Variants in RGS6 observed in about 807,000 individuals in gnomAD.
RGS6 encodes the protein regulator of G protein signaling 6.
A neutral mutation model predicts 78.5 loss-of-function variants in RGS6; 30 were observed. The observed-to-expected ratio is 0.38, with a 90% CI of 0.29 to 0.52. RGS6 has a LOEUF of 0.52. Ranked by LOEUF, RGS6 falls within the 20% of genes least tolerant of loss-of-function variation. The pLI, the probability that RGS6 is intolerant of heterozygous loss-of-function variation, is 0.85. For missense variants in RGS6, 495 were observed against 609.7 expected (o/e 0.81, Z 1.98); for synonymous variants, 206 against 206.0 (o/e 1.00, Z 0.00).
At chr14:72,084,649 A>T (rs1290688861) in intron 2 of RGS6, among the ~76,000 whole-genome samples, 3 of 152,236 alleles carry the variant, frequency 2.0e-5, no homozygotes, top group East Asian at 1.9e-4. Context: ...GCATTTGCTC[A>T]TGCTTTTATT....
chr14:72,060,902 C>T (rs1455197064), intron 2 of RGS6, among the ~76,000 whole-genome samples: 3 of 152,034 alleles, frequency 2.0e-5, no homozygotes, highest in South Asian at 2.1e-4. Context: ...CATTGGTTGC[C>T]ATCTATGTGT....
At chr14:72,042,123 CTTTTTCTTTTTT>C (rs2153381561) in intron 2 of RGS6, among the ~76,000 whole-genome samples, 3 of 124,332 alleles carry the variant, frequency 2.4e-5, no homozygotes, top group African/African-American at 8.4e-5. Flanking sequence ...TTTTCTTTTT[CTTTTTCTTTTTT>C]TTTTTTTTTT....
intron 2 of RGS6, among the ~76,000 whole-genome samples, chr14:72,249,735 A>G (rs1202991952): frequency 6.6e-6 from 1 of 152,136 alleles, no homozygotes; most frequent in Non-Finnish European, 1.5e-5. Context: ...TCAAGTGAGG[A>G]GTAAGAGGGG....
chr14:72,546,153 G>A (rs926679284), intron 17 of RGS6, among the ~76,000 whole-genome samples: 13 of 152,220 alleles, frequency 8.5e-5, no homozygotes, highest in Admixed American at 7.9e-4. Context: ...ATAAGAGTAT[G>A]AGAGACAGTG....
At chr14:72,263,383 C>T (rs910518674) in intron 2 of RGS6, among the ~76,000 whole-genome samples, 12 of 152,098 alleles carry the variant, frequency 7.9e-5, no homozygotes, top group African/African-American at 2.7e-4. Context: ...GCCTTGTCAC[C>T]ACCTGGAGAT....
At position 72,485,127 on chromosome 14, in the gene RGS6, A is replaced by G. The variant is rs186879723; in HGVS notation, c.854+6798A>G. On this transcript the variant is annotated intron_variant, in intron 12 of 17. Coordinates refer to ENST00000553525, the MANE Select transcript of RGS6 (RefSeq NM_001204424.2). ...TTTGTCATTTGAAAATAACAAAAGC[A>G]TATACCAATCAGGAGTCAGGGATAA... Among the ~76,000 whole-genome samples the G allele has an allele frequency of 4.1e-3, 630 of 152,292 alleles. 4 individuals carry two copies. Among genetic ancestry groups the G allele is most frequent in the African/African-American group, 0.014 (594 of 41,562 alleles).
the RGS6 span, among the ~76,000 whole-genome samples, chr14:71,901,582 A>G: frequency 3.9e-5 from 6 of 152,186 alleles, no homozygotes; most frequent in Non-Finnish European, 7.3e-5. Context: ...TTTAGAGACA[A>G]TATACTCAGT....
chr14:72,537,041 C>G (rs1248965622), intron 16 of RGS6, among the ~76,000 whole-genome samples: 1 of 152,112 alleles, frequency 6.6e-6, no homozygotes, highest in Non-Finnish European at 1.5e-5. Flanking sequence ...AGAATAGGGT[C>G]CAGGAAGGGA....
At chr14:72,416,716 C>G (rs1045714521) in intron 3 of RGS6, among the ~76,000 whole-genome samples, 7 of 152,158 alleles carry the variant, frequency 4.6e-5, no homozygotes, top group African/African-American at 1.4e-4. Context: ...TGAAGTCAAA[C>G]TCAGGAAGGA....
At chr14:72,099,486 C>T (rs2095483297) in intron 2 of RGS6, among the ~76,000 whole-genome samples, 1 of 152,130 alleles carries the variant, frequency 6.6e-6, no homozygotes, top group African/African-American at 2.4e-5. Flanking sequence ...CCAGGTCACA[C>T]AGCCAGGAAG....
At chr14:71,993,712 G>C (rs921307768) in intron 2 of RGS6, among the ~76,000 whole-genome samples, 1 of 152,096 alleles carries the variant, frequency 6.6e-6, no homozygotes, top group African/African-American at 2.4e-5. Flanking sequence ...GTGGTAGCAT[G>C]GATGGCAAAT....
At chr14:72,511,728 A>G (rs1452550068) in intron 14 of RGS6, 1 of 152,286 alleles carries the variant, frequency 6.6e-6, no homozygotes. Context: ...CTCCCACTCC[A>G]TAAGGTCCTG....
intron 2 of RGS6, among the ~76,000 whole-genome samples, chr14:72,295,044 C>A (rs2152355165): frequency 6.6e-6 from 1 of 152,240 alleles, no homozygotes; most frequent in Admixed American, 6.5e-5. Context: ...GTAATCCCAG[C>A]ACTTTGGGAG....
chr14:72,498,882 T>C (rs1356978774), intron 13 of RGS6, among the ~76,000 whole-genome samples: 1 of 152,150 alleles, frequency 6.6e-6, no homozygotes, highest in Non-Finnish European at 1.5e-5. Flanking sequence ...GGGCTGCACC[T>C]GAATGTATGA....
At chr14:72,576,326 C>T in the RGS6 span, among the ~76,000 whole-genome samples, 1 of 152,116 alleles carries the variant, frequency 6.6e-6, no homozygotes, top group Non-Finnish European at 1.5e-5. Context: ...TTGTATTTTT[C>T]TCCTCCCAAA....
intron 12 of RGS6, among the ~76,000 whole-genome samples, chr14:72,479,396 T>C (rs189761999): frequency 1.7e-3 from 252 of 152,324 alleles, no homozygotes; most frequent in Admixed American, 4.0e-3. Flanking sequence ...TGTTGTGTTC[T>C]TAATGTCCTA....
rs568770624 is a variant in RGS6 at position 72,378,373 on chromosome 14, A to T, written c.184+26179A>T. Among the ~76,000 whole-genome samples the T allele has an allele frequency of 5.9e-5, 9 of 152,284 alleles. No homozygotes were observed. In the East Asian group the frequency reaches 1.7e-3, roughly 29 times the overall value. The stretch of plus-strand genomic sequence containing the variant: ...AAAGATCAGAGCAGAAATGAACAAT[A>T]TTGAAACTGAAGGAAAAAATACAAA... On this transcript the variant is annotated intron_variant, in intron 3 of 17. Transcript: ENST00000553525.
intron 2 of RGS6, among the ~76,000 whole-genome samples, chr14:72,072,735 C>T (rs569411393): frequency 3.3e-5 from 5 of 152,302 alleles, no homozygotes; most frequent in African/African-American, 1.2e-4. Flanking sequence ...CTTAATTAAG[C>T]AACTTAATAT....
intron 2 of RGS6, among the ~76,000 whole-genome samples, chr14:71,976,241 G>A (rs1358504372): frequency 6.9e-6 from 1 of 144,616 alleles, no homozygotes; most frequent in African/African-American, 2.5e-5. Flanking sequence ...TTGTTCTTCT[G>A]TTTATTTATT....
Sources: allele counts gnomAD v4.1 joint callset (sites outside exome capture counted in the v4.1 genomes callset), GRCh38; gene constraint gnomAD v4.1.1; transcripts MANE v1.5; gene names NCBI Gene and HGNC (gene_info 2026-07-23, HGNC 2026-07-21).